Variants in NKAIN3 observed in about 807,000 individuals in gnomAD.
NKAIN3 encodes sodium/potassium transporting ATPase interacting 3.
Under a neutral mutation model 30.2 loss-of-function variants are expected in NKAIN3, and 25 were observed. The ratio of observed to expected loss-of-function variants is 0.83; its 90% CI spans 0.60 to 1.16. The LOEUF (loss-of-function observed/expected upper bound fraction) is 1.16, where lower values mean the gene tolerates loss of function less well. NKAIN3 is among the 50% of genes most tolerant of loss of function. NKAIN3 has a pLI of 0.00. For synonymous variants in NKAIN3, 91 were observed against 89.6 expected, an observed-to-expected ratio of 1.02 and a Z score of -0.09; for missense variants, 225 against 254.1, an observed-to-expected ratio of 0.89 and a Z score of 0.78.
chr8:62,547,703 A>G (rs979630049), intron 1 of NKAIN3, among the ~76,000 whole-genome samples: 1 of 152,180 alleles, frequency 6.6e-6, no homozygotes, highest in African/African-American at 2.4e-5. Flanking sequence ...TTCCAGCAGC[A>G]TTTAGATATC....
At chr8:62,490,212 G>C (rs1456451736) in intron 1 of NKAIN3, among the ~76,000 whole-genome samples, 2 of 151,982 alleles carry the variant, frequency 1.3e-5, no homozygotes, top group African/African-American at 4.8e-5. Flanking sequence ...ACTTTAATGT[G>C]GCCAAGCCTG....
intron 1 of NKAIN3, among the ~76,000 whole-genome samples, chr8:62,460,142 G>A (rs563069661): frequency 6.6e-6 from 1 of 151,836 alleles, no homozygotes; most frequent in South Asian, 2.1e-4. Context: ...GCCAGGTGTG[G>A]TGGCTCATGC....
chr8:62,408,855 G>T (rs1377591125), intron 1 of NKAIN3, among the ~76,000 whole-genome samples: 1 of 152,078 alleles, frequency 6.6e-6, no homozygotes, highest in African/African-American at 2.4e-5. Flanking sequence ...AAAAACTTCT[G>T]TTCATATCCA....
chr8:62,830,565 T>C (rs1819165077), intron 4 of NKAIN3, among the ~76,000 whole-genome samples: 1 of 152,196 alleles, frequency 6.6e-6, no homozygotes, highest in Admixed American at 6.5e-5. Context: ...TTATGTTATC[T>C]CTATAAAAGT....
intron 6 of NKAIN3, among the ~76,000 whole-genome samples, chr8:62,960,585 A>C (rs979100848): frequency 2.0e-5 from 3 of 152,160 alleles, no homozygotes; most frequent in Admixed American, 2.0e-4. Flanking sequence ...TGATTTTAAA[A>C]TTAAAGCCAA....
intron 1 of NKAIN3, among the ~76,000 whole-genome samples, chr8:62,304,961 T>C (rs946194767): frequency 6.6e-6 from 1 of 150,550 alleles, no homozygotes; most frequent in African/African-American, 2.5e-5. Context: ...GAAATCTCAG[T>C]TCTAGGCCTC....
At chr8:62,786,710 T>G (rs1817530966) in intron 4 of NKAIN3, among the ~76,000 whole-genome samples, 1 of 152,186 alleles carries the variant, frequency 6.6e-6, no homozygotes, top group East Asian at 1.9e-4. Context: ...CCATAAATAT[T>G]TATTGCTGAA....
chr8:62,262,024 T>C (rs1437083964), intron 1 of NKAIN3, among the ~76,000 whole-genome samples: 7 of 152,132 alleles, frequency 4.6e-5, no homozygotes, highest in Non-Finnish European at 4.4e-5. Flanking sequence ...ATTTTGGTAT[T>C]GTGACTGCAT....
chr8:62,845,072 G>A (rs868266361), intron 4 of NKAIN3, among the ~76,000 whole-genome samples: 8 of 151,382 alleles, frequency 5.3e-5, no homozygotes, highest in African/African-American at 1.2e-4. Flanking sequence ...CCACTGCCCC[G>A]ACCTAGAACA....
intron 4 of NKAIN3, among the ~76,000 whole-genome samples, chr8:62,851,362 G>A (rs1315194089): frequency 3.9e-5 from 6 of 152,122 alleles, no homozygotes; most frequent in Admixed American, 1.3e-4. Flanking sequence ...TTGGGCTGAG[G>A]CGATGGGGTT....
intron 1 of NKAIN3, among the ~76,000 whole-genome samples, chr8:62,287,179 G>A (rs577414571): frequency 4.6e-5 from 7 of 151,426 alleles, no homozygotes; most frequent in Non-Finnish European, 8.8e-5. Flanking sequence ...TGGCTCATAC[G>A]AGGTTGTGAT....
At chr8:62,556,972 ACAGTTC>A (rs2129961197) in intron 1 of NKAIN3, among the ~76,000 whole-genome samples, 1 of 152,150 alleles carries the variant, frequency 6.6e-6, no homozygotes, top group Non-Finnish European at 1.5e-5. Context: ...TTATTGAGGA[ACAGTTC>A]GTGTTTGGTT....
chr8:62,607,773 T>C (rs1811171228), intron 3 of NKAIN3, among the ~76,000 whole-genome samples: 1 of 152,148 alleles, frequency 6.6e-6, no homozygotes, highest in South Asian at 2.1e-4. Flanking sequence ...TCCTGAAGGA[T>C]GACTGCTATT....
intron 1 of NKAIN3, among the ~76,000 whole-genome samples, chr8:62,363,407 G>C (rs543770109): frequency 1.5e-4 from 23 of 152,100 alleles, no homozygotes; most frequent in Admixed American, 3.9e-4. Context: ...TAGTAGAACA[G>C]TAGGTAGCTA....
At chr8:62,534,498 A>C (rs896492) in intron 1 of NKAIN3, among the ~76,000 whole-genome samples, 136,025 of 152,096 alleles carry the variant, frequency 0.89, 61,013 homozygotes, top group Middle Eastern at 0.95. Context: ...TTTTTTTCAC[A>C]CCCCCAAAAC....
At chr8:62,423,459 T>A (rs966401506) in intron 1 of NKAIN3, among the ~76,000 whole-genome samples, 1 of 150,270 alleles carries the variant, frequency 6.7e-6, no homozygotes, top group Non-Finnish European at 1.5e-5. Context: ...CATATATTCA[T>A]CTATTCACAC....
chr8:62,763,153 G>A (rs113174543), intron 4 of NKAIN3, among the ~76,000 whole-genome samples: 13,083 of 147,252 alleles, frequency 0.089, 590 homozygotes, highest in Middle Eastern at 0.091. Context: ...CCCAGGAGGC[G>A]GAGCTTGCAG....
intron 1 of NKAIN3, among the ~76,000 whole-genome samples, chr8:62,515,522 A>G (rs2129757645): frequency 6.6e-6 from 1 of 152,226 alleles, no homozygotes; most frequent in Middle Eastern, 3.4e-3. Flanking sequence ...TGCAGTCTAC[A>G]TGGGTAAACT....
At chr8:62,376,318 G>A (rs1268302152) in intron 1 of NKAIN3, among the ~76,000 whole-genome samples, 1 of 152,176 alleles carries the variant, frequency 6.6e-6, no homozygotes. Context: ...TTTCCCTGAT[G>A]ACCTAAATGT....
Sources: allele counts gnomAD v4.1 joint callset (sites outside exome capture counted in the v4.1 genomes callset), GRCh38; gene constraint gnomAD v4.1.1; transcripts MANE v1.5; gene names NCBI Gene and HGNC (gene_info 2026-07-23, HGNC 2026-07-21).